The following UGT2B4 variants were observed in gnomAD, a reference collection of about 807,000 sequenced individuals.
UGT2B4 encodes UDP glucuronosyltransferase family 2 member B4.
Under a neutral mutation model 49.8 loss-of-function variants are expected in UGT2B4, and 49 were observed. That is an observed-to-expected ratio of 0.98 (90% CI 0.78 to 1.25). The LOEUF (loss-of-function observed/expected upper bound fraction) is 1.25, where lower values mean the gene tolerates loss of function less well. UGT2B4 is among the 50% of genes most tolerant of loss of function. The pLI is 0.00. For synonymous variants in UGT2B4, 246 were observed against 217.7 expected (o/e 1.13, Z -1.14); for missense variants, 729 against 627.7 (o/e 1.16, Z -1.73).
chr4:69,521,325 C>T (rs1206428253), intron 1 of UGT2B4, among the ~76,000 whole-genome samples: 3 of 152,130 alleles, frequency 2.0e-5, no homozygotes. Context: ...GGAGCCCAGA[C>T]CTAAGGTCTC....
At chr4:69,499,012 T>C (rs1011405138), upstream of UGT2B4, among the ~76,000 whole-genome samples, 1 of 152,182 alleles carries the variant, frequency 6.6e-6, no homozygotes, top group African/African-American at 2.4e-5. Flanking sequence ...TCCTTTAAAT[T>C]TCCCGCTTAG....
intron 1 of UGT2B4, 115 bp downstream of exon 1, chr4:69,495,026 G>T: frequency 1.0e-6 from 1 of 963,084 alleles, no homozygotes; most frequent in Non-Finnish European, 1.4e-6. Flanking sequence ...AATTTCATTT[G>T]ATAAATTCAT....
intron 1 of UGT2B4, among the ~76,000 whole-genome samples, chr4:69,519,067 A>T (rs895846959): frequency 1.6e-4 from 25 of 152,234 alleles, no homozygotes; most frequent in Non-Finnish European, 2.9e-4. Flanking sequence ...GTGGGTATGG[A>T]TCACAGAGAA....
rs930295990 is a variant in UGT2B4 at position 69,480,206 on chromosome 4, A to G, written c.*428T>C. On this transcript the variant is annotated 3_prime_UTR_variant, in exon 6 of 6. Coordinates refer to ENST00000305107, the MANE Select transcript of UGT2B4 (RefSeq NM_021139.3). ...ATTAGCTTCCTCAACAACAGTTAAA[A>G]CAACACAATCCTGCATGAAATGGAT... is the stretch of plus-strand genomic sequence containing the variant. 1 of 158,238 alleles carries G rather than the reference A, an allele frequency of 6.3e-6. No individual in the cohort carries two copies. 9.8% of individuals were successfully genotyped at this position (158,238 alleles called of 1,614,324 possible).
chr4:69,493,838 C>A lies in UGT2B4; in HGVS notation c.725G>T (p.Arg242Ile), dbSNP rs758682178. The A allele has an allele frequency of 1.9e-6, 3 of 1,586,050 alleles. No individual in the cohort carries two copies. Among genetic ancestry groups the A allele is most frequent in the Non-Finnish European group, 1.7e-6 (2 of 1,170,252 alleles). Residue 242 changes from arginine (R) to isoleucine (I), a missense_variant, in exon 2 of 6, where the codon AGA becomes ATA. Physicochemically the swap from Arg to Ile is moderately conservative, Grantham distance 97. Transcript: ENST00000305107. ...WDQFYSEVLG[R>I]PTTLSETMAK... ...CATTGTCTCAGATAACGTAGTGGGT[C>A]TTCCTGATGGGGGAAAAAAAAAGAA...
Position 69,495,177 on chromosome 4 carries a change from T to A in UGT2B4, c.685A>T (p.Met229Leu). The A allele has an allele frequency of 6.3e-7, 1 of 1,579,066 alleles. No homozygotes were observed. Among genetic ancestry groups the A allele is most frequent in the Non-Finnish European group, 8.6e-7 (1 of 1,166,914 alleles). The change falls in exon 1 of 6, where the codon ATG (methionine) becomes TTG (leucine). Residue 229 changes from methionine (M) to leucine (L), a missense_variant. Physicochemically the swap from Met to Leu is conservative, Grantham distance 15. Coordinates refer to ENST00000305107, the MANE Select transcript of UGT2B4 (RefSeq NM_021139.3). ...YFEFWFQIFD[M>L]KKWDQFYSEV... is the part of the protein sequence containing the mutation. ...CTGTAGAACTGATCCCACTTCTTCA[T>A]GTCAAATATTTGGAACCAAAATTCA...
At chr4:69,503,976 T>A (rs767465958) in intron 1 of UGT2B4, among the ~76,000 whole-genome samples, 1 of 152,022 alleles carries the variant, frequency 6.6e-6, no homozygotes, top group African/African-American at 2.4e-5. Context: ...AGAATGTTGG[T>A]CCCCCAAAAT....
At chr4:69,511,117 G>A (rs1430740832) in intron 1 of UGT2B4, among the ~76,000 whole-genome samples, 3 of 150,102 alleles carry the variant, frequency 2.0e-5, no homozygotes, top group South Asian at 4.2e-4. Context: ...CTACCCTCCC[G>A]AGTAGCTGGG....
At chr4:69,518,982 A>T (rs562648963) in intron 1 of UGT2B4, among the ~76,000 whole-genome samples, 2 of 152,324 alleles carry the variant, frequency 1.3e-5, no homozygotes, top group African/African-American at 2.4e-5. Context: ...GTTTGGTAGG[A>T]TTTATACAAT....
At chr4:69,516,745 G>A (rs1728744517) in intron 1 of UGT2B4, among the ~76,000 whole-genome samples, 1 of 151,888 alleles carries the variant, frequency 6.6e-6, no homozygotes, top group South Asian at 2.1e-4. Context: ...GTAGCTGGGA[G>A]TACAGGCACC....
Position 69,518,578 on chromosome 4 carries a change from G to T in UGT2B4, c.-106+7109C>A, listed in dbSNP as rs1728784066. Among the ~76,000 whole-genome samples the T allele has an allele frequency of 3.3e-5, 5 of 152,240 alleles. 1 individual carries two copies. The South Asian group carries it at 1.0e-3, about 32-fold the overall frequency. On this transcript the variant is annotated intron_variant, in intron 1 of 1. Transcript: ENST00000510114. Reference sequence around the variant, plus strand: ...CAGAAATACAATATGTCAGGGAAAAGTTTAAGCAACTGTCTAGAACTTGGA... The same window carrying T: ...CAGAAATACAATATGTCAGGGAAAATTTTAAGCAACTGTCTAGAACTTGGA...
chr4:69,513,935 C>A (rs1009246943), intron 1 of UGT2B4, among the ~76,000 whole-genome samples: 1 of 152,008 alleles, frequency 6.6e-6, no homozygotes, highest in African/African-American at 2.4e-5. Flanking sequence ...ATATCCTGAG[C>A]ATTTGCTGAA....
intron 2 of UGT2B4, 61 bp downstream of exon 2, chr4:69,493,632 T>G: frequency 6.6e-7 from 1 of 1,517,314 alleles, no homozygotes; most frequent in Non-Finnish European, 8.8e-7. Context: ...ACACTTTGAA[T>G]GAATATAGAA....
At chr4:69,517,743 A>G in intron 1 of UGT2B4, 1 of 164,930 alleles carries the variant, frequency 6.1e-6, no homozygotes. Flanking sequence ...ACAAGTTAAA[A>G]AAGATGGACA....
chr4:69,491,497 T>G (rs1727985100), intron 2 of UGT2B4, among the ~76,000 whole-genome samples: 1 of 152,120 alleles, frequency 6.6e-6, no homozygotes, highest in Non-Finnish European at 1.5e-5. Context: ...CAAGTGTCCT[T>G]TTCTCTTAAA....
chr4:69,489,434 C>G lies in UGT2B4; in HGVS notation c.1002+5G>C. 2 of 1,609,398 alleles carry G rather than the reference C, an allele frequency of 1.2e-6. No homozygotes were observed. The highest frequency in any genetic ancestry group is 2.7e-5 in the African/African-American group (2 of 74,762). On this transcript the variant is annotated splice_donor_5th_base_variant and intron_variant, in intron 3 of 5. Transcript: ENST00000305107. ...TTTTTACACCATTAAAACATTTTAT[C>G]TTACCTTTTGTGGGATCTTGGCAAG...
chr4:69,524,355 T>G (rs1728920729), intron 1 of UGT2B4, among the ~76,000 whole-genome samples: 1 of 150,750 alleles, frequency 6.6e-6, no homozygotes, highest in Non-Finnish European at 1.5e-5. Flanking sequence ...TGTAAGATTA[T>G]TAACTGGTTT....
chr4:69,502,126 TTTC>T (rs1553896686), intron 1 of UGT2B4, among the ~76,000 whole-genome samples: 1 of 143,440 alleles, frequency 7.0e-6, no homozygotes, highest in African/African-American at 2.7e-5. Flanking sequence ...TCTTTCTTTC[TTTC>T]TTTCTTTCTT....
exon 1 of UGT2B4, chr4:69,525,839 C>T (rs551990411): frequency 4.1e-6 from 3 of 734,554 alleles, no homozygotes; most frequent in Non-Finnish European, 5.5e-6. Context: ...AGGTGGCTCA[C>T]ACCGTTAATC....
Sources: allele counts gnomAD v4.1 joint callset (sites outside exome capture counted in the v4.1 genomes callset), GRCh38; gene constraint gnomAD v4.1.1; transcripts MANE v1.5; gene names NCBI Gene and HGNC (gene_info 2026-07-23, HGNC 2026-07-21).